Variants in PTPRM observed in about 807,000 individuals in gnomAD.
PTPRM encodes the protein receptor-type tyrosine-protein phosphatase mu.
A neutral mutation model predicts 186.7 loss-of-function variants in PTPRM; 47 were observed. The observed-to-expected ratio is 0.25, with a 90% CI of 0.20 to 0.32. The LOEUF is 0.32. PTPRM is among the 10% of genes least tolerant of loss of function. PTPRM has a pLI of 1.00. For synonymous variants in PTPRM, 668 were observed against 674.9 expected, an observed-to-expected ratio of 0.99 and a Z score of 0.16; for missense variants, 1,494 against 1,865.0, an observed-to-expected ratio of 0.80 and a Z score of 3.66.
At chr18:8,304,333 C>G (rs1345502329) in intron 20 of PTPRM, among the ~76,000 whole-genome samples, 1 of 152,212 alleles carries the variant, frequency 6.6e-6, no homozygotes, top group Non-Finnish European at 1.5e-5. Flanking sequence ...CCCTAAATCT[C>G]GCATCACCCC....
chr18:7,699,865 A>T (rs2039923601), intron 1 of PTPRM, among the ~76,000 whole-genome samples: 1 of 152,048 alleles, frequency 6.6e-6, no homozygotes, highest in Non-Finnish European at 1.5e-5. Context: ...CTTGCAATCC[A>T]TCTGGAATTG....
rs150963243 is a variant in PTPRM at position 7,881,113 on chromosome 18, C to T, written c.197-6993C>T. Among the ~76,000 whole-genome samples the T allele has an allele frequency of 4.5e-3, 680 of 152,080 alleles. 4 individuals carry two copies. The highest frequency in any genetic ancestry group is 0.016 in the African/African-American group (654 of 41,480). On this transcript the variant is annotated intron_variant, in intron 2 of 32. Transcript: ENST00000580170. ...TAGGTAAATGTATATAGAGACATGTCGCTTTACACATGTATGCTGAAATGT... is the reference window on the plus strand; with the variant it reads ...TAGGTAAATGTATATAGAGACATGTTGCTTTACACATGTATGCTGAAATGT...
chr18:8,095,183 G>A (rs1032677404), intron 11 of PTPRM, among the ~76,000 whole-genome samples: 2 of 152,128 alleles, frequency 1.3e-5, no homozygotes, highest in Non-Finnish European at 2.9e-5. Context: ...CCTGTAGTAA[G>A]TAGGGATGAG....
At chr18:8,335,395 G>A (rs767429982) in intron 22 of PTPRM, among the ~76,000 whole-genome samples, 16 of 152,154 alleles carry the variant, frequency 1.1e-4, no homozygotes, top group Non-Finnish European at 2.2e-4. Flanking sequence ...ATCAGTTACC[G>A]ACCCTGGCCT....
chr18:7,757,862 G>A (rs1231993451), intron 1 of PTPRM, among the ~76,000 whole-genome samples: 1 of 152,010 alleles, frequency 6.6e-6, no homozygotes. Context: ...CCAGGGTGAA[G>A]AGTGGGTGGG....
chr18:7,593,650 T>A (rs1396030360), intron 1 of PTPRM, among the ~76,000 whole-genome samples: 1 of 152,228 alleles, frequency 6.6e-6, no homozygotes, highest in Non-Finnish European at 1.5e-5. Context: ...CAGTCATTAA[T>A]GCATTAGCAA....
chr18:8,332,274 A>T (rs571381721), intron 22 of PTPRM, among the ~76,000 whole-genome samples: 12 of 152,238 alleles, frequency 7.9e-5, no homozygotes, highest in Non-Finnish European at 1.6e-4. Flanking sequence ...ATGATGGTTG[A>T]AGGGTTGTAT....
At chr18:7,635,784 C>T (rs1292788107) in intron 1 of PTPRM, among the ~76,000 whole-genome samples, 2 of 152,176 alleles carry the variant, frequency 1.3e-5, no homozygotes, top group Non-Finnish European at 2.9e-5. Context: ...GGGGATGAAC[C>T]AGAAGTCACA....
chr18:8,167,576 C>T (rs1332748379), intron 14 of PTPRM, among the ~76,000 whole-genome samples: 6 of 152,328 alleles, frequency 3.9e-5, no homozygotes, highest in South Asian at 2.1e-4. Flanking sequence ...CAGGCTCCAG[C>T]GCCCTTTTCA....
intron 6 of PTPRM, 102 bp from the exon 7 acceptor site, chr18:7,955,019 G>A (rs747254075): frequency 5.2e-5 from 65 of 1,241,338 alleles, no homozygotes; most frequent in Non-Finnish European, 6.9e-5. Flanking sequence ...ATTTATTCCT[G>A]AAATTTTATT....
chr18:8,340,368 T>A (rs1319879531), intron 22 of PTPRM, among the ~76,000 whole-genome samples: 1 of 152,008 alleles, frequency 6.6e-6, no homozygotes, highest in Non-Finnish European at 1.5e-5. Flanking sequence ...GAAAAGAATT[T>A]CACCTAGTTT....
At chr18:8,395,940 T>A (rs575639862) in intron 32 of PTPRM, among the ~76,000 whole-genome samples, 28 of 152,276 alleles carry the variant, frequency 1.8e-4, no homozygotes, top group African/African-American at 5.8e-4. Context: ...TGCAGAGAGA[T>A]GTGAAAGTGT....
At chr18:7,659,117 T>TACACACACACACAC (rs10541547) in intron 1 of PTPRM, among the ~76,000 whole-genome samples, 149 of 144,008 alleles carry the variant, frequency 1.0e-3, no homozygotes, top group African/African-American at 3.5e-3. Context: ...CACATGTATG[T>TACACACACACACAC]ACACACACAC....
chr18:7,581,686 T>C (rs2036849962), intron 1 of PTPRM, among the ~76,000 whole-genome samples: 1 of 151,522 alleles, frequency 6.6e-6, no homozygotes, highest in South Asian at 2.1e-4. Context: ...GACAAGGTCT[T>C]GCTCTGTCAC....
intron 14 of PTPRM, among the ~76,000 whole-genome samples, chr18:8,180,791 A>C (rs185012443): frequency 1.8e-4 from 27 of 152,308 alleles, no homozygotes; most frequent in Admixed American, 1.8e-3. Flanking sequence ...AGATCTTATT[A>C]GGAAGCTGCT....
chr18:8,257,888 G>T lies in PTPRM; in HGVS notation c.2754+4474G>T, dbSNP rs546552573. Among the ~76,000 whole-genome samples the T allele has an allele frequency of 1.1e-4, 16 of 152,304 alleles. No individual in the cohort carries two copies. The East Asian group carries it at 1.9e-3, about 18-fold the overall frequency. On this transcript the variant is annotated intron_variant, in intron 19 of 32. Coordinates refer to ENST00000580170, the MANE Select transcript of PTPRM (RefSeq NM_001105244.2). ...TCAAAATTGGCCTAAACACCAGAAG[G>T]ATTCATTACTGATCAAGTAGCCGAC...
intron 23 of PTPRM, among the ~76,000 whole-genome samples, chr18:8,364,713 T>C (rs1211925287): frequency 6.6e-6 from 1 of 152,018 alleles, no homozygotes; most frequent in African/African-American, 2.4e-5. Flanking sequence ...CAAAGAAGAG[T>C]CTCTTAAAAA....
intron 7 of PTPRM, among the ~76,000 whole-genome samples, chr18:8,009,323 C>CT (rs71354585): frequency 0.38 from 55,116 of 145,336 alleles, 10,404 homozygotes; most frequent in Non-Finnish European, 0.44. Context: ...GCTTCCATAA[C>CT]TTTTTTTTTT....
At chr18:8,054,032 T>C (rs1014977205) in intron 7 of PTPRM, among the ~76,000 whole-genome samples, 6 of 152,022 alleles carry the variant, frequency 3.9e-5, no homozygotes, top group Non-Finnish European at 8.8e-5. Flanking sequence ...AGGTCCTGCT[T>C]GTTTGCCAAG....
Sources: allele counts gnomAD v4.1 joint callset (sites outside exome capture counted in the v4.1 genomes callset), GRCh38; gene constraint gnomAD v4.1.1; transcripts MANE v1.5; gene names NCBI Gene and HGNC (gene_info 2026-07-23, HGNC 2026-07-21).